The following NDUFAF2 variants were observed in gnomAD, a reference collection of about 807,000 sequenced individuals.
NDUFAF2 encodes NADH dehydrogenase [ubiquinone] 1 alpha subcomplex assembly factor 2.
NDUFAF2 carries 13 observed loss-of-function variants against 22.8 expected under a neutral mutation model. That is an observed-to-expected ratio of 0.57 (90% CI 0.37 to 0.91). The LOEUF is 0.91. Among genes scored for constraint, NDUFAF2 ranks in the 40% least tolerant of loss-of-function variants. The pLI is 0.01. For synonymous variants in NDUFAF2, 53 were observed against 64.2 expected, an observed-to-expected ratio of 0.83 and a Z score of 0.84; for missense variants, 162 against 195.2, an observed-to-expected ratio of 0.83 and a Z score of 1.01.
chr5:61,064,462 A>G (rs1399295896), intron 1 of NDUFAF2, among the ~76,000 whole-genome samples: 2 of 152,116 alleles, frequency 1.3e-5, no homozygotes, highest in Non-Finnish European at 2.9e-5. Flanking sequence ...TCTAGCACAC[A>G]TGCATAGAAC....
At chr5:61,146,220 C>T (rs1054093866) in intron 3 of NDUFAF2, 6 of 152,104 alleles carry the variant, frequency 3.9e-5, no homozygotes, top group South Asian at 4.1e-4. Flanking sequence ...CCTCAAAATC[C>T]GTATTGGTAT....
At chr5:61,125,083 C>T (rs771292603) in intron 3 of NDUFAF2, among the ~76,000 whole-genome samples, 2 of 152,044 alleles carry the variant, frequency 1.3e-5, no homozygotes, top group Non-Finnish European at 2.9e-5. Context: ...CACCTCCTAC[C>T]AGATCCCTCC....
chr5:61,095,342 A>G (rs970020160), intron 2 of NDUFAF2, among the ~76,000 whole-genome samples: 34 of 152,226 alleles, frequency 2.2e-4, no homozygotes, highest in African/African-American at 6.8e-4. Flanking sequence ...CTGCAGAGTT[A>G]TCCAAACAGC....
intron 3 of NDUFAF2, among the ~76,000 whole-genome samples, chr5:61,142,477 A>G (rs2111827350): frequency 6.6e-6 from 1 of 152,120 alleles, no homozygotes; most frequent in South Asian, 2.1e-4. Flanking sequence ...TCTTGCAATT[A>G]GAAATGTTTT....
At chr5:61,105,430 A>G (rs1752750376) in intron 3 of NDUFAF2, among the ~76,000 whole-genome samples, 2 of 151,196 alleles carry the variant, frequency 1.3e-5, no homozygotes, top group South Asian at 4.1e-4. Context: ...GTATGTATTT[A>G]TGGTTAAATG....
intron 1 of NDUFAF2, among the ~76,000 whole-genome samples, chr5:60,971,769 A>G (rs1004693913): frequency 1.3e-5 from 2 of 152,038 alleles, no homozygotes; most frequent in African/African-American, 2.4e-5. Flanking sequence ...AGCTTCATCC[A>G]TGTCCCTACA....
At chr5:61,034,406 G>A (rs930146948) in intron 1 of NDUFAF2, among the ~76,000 whole-genome samples, 1 of 152,136 alleles carries the variant, frequency 6.6e-6, no homozygotes, top group South Asian at 2.1e-4. Context: ...ACGTGATACT[G>A]TACAGAATGC....
chr5:61,087,147 TAGG>T (rs944525492), intron 2 of NDUFAF2, among the ~76,000 whole-genome samples: 43 of 152,136 alleles, frequency 2.8e-4, no homozygotes, highest in African/African-American at 8.9e-4. Context: ...TTAGTGCCCG[TAGG>T]AGAAGAGGCA....
At chr5:60,983,897 C>T (rs1186145584) in intron 1 of NDUFAF2, among the ~76,000 whole-genome samples, 4 of 151,950 alleles carry the variant, frequency 2.6e-5, no homozygotes, top group African/African-American at 9.7e-5. Context: ...TTTTTTGGTT[C>T]CATATGAACT....
At chr5:60,996,250 T>G (rs1751227462) in intron 1 of NDUFAF2, among the ~76,000 whole-genome samples, 2 of 152,104 alleles carry the variant, frequency 1.3e-5, no homozygotes, top group South Asian at 4.2e-4. Flanking sequence ...GCTCTTCAAT[T>G]AGCAGATTAT....
At chr5:61,004,428 TGAG>T (rs1267290071) in intron 1 of NDUFAF2, among the ~76,000 whole-genome samples, 2 of 152,108 alleles carry the variant, frequency 1.3e-5, no homozygotes, top group Non-Finnish European at 2.9e-5. Flanking sequence ...AAACTACTAT[TGAG>T]GAGTATTTCA....
intron 1 of NDUFAF2, among the ~76,000 whole-genome samples, chr5:61,022,924 C>CATA (rs1294202392): frequency 6.6e-6 from 1 of 152,212 alleles, no homozygotes; most frequent in Non-Finnish European, 1.5e-5. Context: ...GGATTACCGG[C>CATA]GTGAACCACC....
At chr5:61,096,604 A>G (rs1752643923) in intron 2 of NDUFAF2, among the ~76,000 whole-genome samples, 1 of 151,750 alleles carries the variant, frequency 6.6e-6, no homozygotes, top group Admixed American at 6.6e-5. Flanking sequence ...TTGCAAAAAA[A>G]AAAAAAAAAA....
intron 2 of NDUFAF2, among the ~76,000 whole-genome samples, chr5:61,092,691 GC>G (rs1418908098): frequency 6.6e-6 from 1 of 152,034 alleles, no homozygotes; most frequent in Non-Finnish European, 1.5e-5. Flanking sequence ...CTATTTGGAT[GC>G]CCTTTACTTT....
intron 3 of NDUFAF2, among the ~76,000 whole-genome samples, chr5:61,130,043 A>G (rs570641061): frequency 6.6e-6 from 1 of 152,256 alleles, no homozygotes; most frequent in South Asian, 2.1e-4. Flanking sequence ...ACATTCATCT[A>G]ATCTGAATAC....
intron 3 of NDUFAF2, among the ~76,000 whole-genome samples, chr5:61,109,983 T>A (rs1350469285): frequency 2.0e-5 from 3 of 152,308 alleles, no homozygotes; most frequent in Non-Finnish European, 2.9e-5. Flanking sequence ...TGTTGAGGTA[T>A]GTTCCTTCTA....
At chr5:60,997,983 A>G (rs1473882769) in intron 1 of NDUFAF2, among the ~76,000 whole-genome samples, 1 of 152,220 alleles carries the variant, frequency 6.6e-6, no homozygotes, top group Admixed American at 6.5e-5. Context: ...AACAAGTGAT[A>G]CCAACCTATG....
At chr5:61,064,646 A>G (rs1752206997) in intron 1 of NDUFAF2, among the ~76,000 whole-genome samples, 1 of 152,146 alleles carries the variant, frequency 6.6e-6, no homozygotes, top group Non-Finnish European at 1.5e-5. Flanking sequence ...GGGTCAAAGA[A>G]TAAATCAAAA....
intron 3 of NDUFAF2, among the ~76,000 whole-genome samples, chr5:61,149,788 A>C (rs1228400817): frequency 1.3e-5 from 2 of 152,224 alleles, no homozygotes; most frequent in Non-Finnish European, 2.9e-5. Context: ...ATTGGAAGGA[A>C]AAATACTTGC....
Sources: gnomAD v4.1 joint callset for allele counts (sites outside exome capture counted in the v4.1 genomes callset) on GRCh38, gnomAD v4.1.1 for gene constraint, MANE v1.5 for transcripts, NCBI Gene and HGNC (gene_info 2026-07-23, HGNC 2026-07-21) for gene names.